The following ADCK1 variants were observed in gnomAD, a reference collection of about 807,000 sequenced individuals.
The protein encoded by ADCK1 is aarF domain containing kinase 1.
Under a neutral mutation model 52.3 loss-of-function variants are expected in ADCK1, and 41 were observed. That is an observed-to-expected ratio of 0.78 (90% CI 0.61 to 1.02). The LOEUF is 1.02. Among genes scored for constraint, ADCK1 ranks in the 50% least tolerant of loss-of-function variants. ADCK1 has a pLI of 0.00. For synonymous variants in ADCK1, 250 were observed against 274.6 expected (o/e 0.91, Z 0.89); for missense variants, 658 against 679.5 (o/e 0.97, Z 0.35).
intron 5 of ADCK1, among the ~76,000 whole-genome samples, chr14:77,888,953 G>T (rs1296883880): frequency 6.6e-6 from 1 of 152,086 alleles, no homozygotes; most frequent in Non-Finnish European, 1.5e-5. Context: ...ACATGTTGTG[G>T]GGGGGGACCT....
intron 4 of ADCK1, among the ~76,000 whole-genome samples, chr14:77,883,935 G>A (rs1018653311): frequency 6.6e-6 from 1 of 152,190 alleles, no homozygotes; most frequent in Non-Finnish European, 1.5e-5. Flanking sequence ...CATGTCCTCT[G>A]GGGATGTGGT....
At chr14:77,810,817 C>T (rs2081325551) in intron 1 of ADCK1, among the ~76,000 whole-genome samples, 1 of 152,204 alleles carries the variant, frequency 6.6e-6, no homozygotes, top group African/African-American at 2.4e-5. Flanking sequence ...AGGCGTGAGC[C>T]TCCGTGCCCG....
chr14:77,876,921 A>C (rs1338083981), intron 4 of ADCK1, among the ~76,000 whole-genome samples: 2 of 152,214 alleles, frequency 1.3e-5, no homozygotes, highest in Non-Finnish European at 2.9e-5. Flanking sequence ...TTGCATGTAC[A>C]AAGAGCTTTG....
At chr14:77,818,004 C>T (rs2081498881) in intron 1 of ADCK1, among the ~76,000 whole-genome samples, 1 of 151,870 alleles carries the variant, frequency 6.6e-6, no homozygotes, top group Non-Finnish European at 1.5e-5. Flanking sequence ...TCCCAAAGTG[C>T]TGGGATTACA....
intron 3 of ADCK1, among the ~76,000 whole-genome samples, chr14:77,849,039 A>G (rs1399563089): frequency 1.1e-4 from 16 of 152,102 alleles, no homozygotes; most frequent in Non-Finnish European, 2.4e-4. Flanking sequence ...CATGTTAGCC[A>G]GGATGGTCTC....
intron 9 of ADCK1, among the ~76,000 whole-genome samples, chr14:77,926,945 C>A (rs1387757467): frequency 6.6e-6 from 1 of 152,172 alleles, no homozygotes; most frequent in Non-Finnish European, 1.5e-5. Flanking sequence ...TTTGCCAGAC[C>A]CACTTAGACT....
chr14:77,835,937 A>G (rs745702493), intron 3 of ADCK1, among the ~76,000 whole-genome samples: 33 of 152,176 alleles, frequency 2.2e-4, no homozygotes, highest in Non-Finnish European at 3.7e-4. Flanking sequence ...CAAAAGCCAT[A>G]TTTTTAATGA....
chr14:77,885,964 A>G (rs1187423051), intron 4 of ADCK1, among the ~76,000 whole-genome samples: 1 of 152,184 alleles, frequency 6.6e-6, no homozygotes, highest in East Asian at 1.9e-4. Context: ...GAATATTGGT[A>G]TGGCATTTCT....
At chr14:77,900,005 G>T (rs1373927961) in intron 6 of ADCK1, among the ~76,000 whole-genome samples, 2 of 149,816 alleles carry the variant, frequency 1.3e-5, no homozygotes, top group African/African-American at 4.9e-5. Context: ...GGGAGGTGGA[G>T]ATTGCAGTGA....
chr14:77,810,266 C>A (rs987794263), intron 1 of ADCK1, among the ~76,000 whole-genome samples: 2 of 151,876 alleles, frequency 1.3e-5, no homozygotes, highest in African/African-American at 2.4e-5. Flanking sequence ...AGGGACACAC[C>A]ACCATGCCCA....
At chr14:77,877,752 G>A (rs979763990) in intron 4 of ADCK1, among the ~76,000 whole-genome samples, 2 of 152,174 alleles carry the variant, frequency 1.3e-5, no homozygotes, top group African/African-American at 4.8e-5. Flanking sequence ...CTACAGGTGT[G>A]TGCCACGATG....
At chr14:77,927,995 G>C (rs978457167) in intron 9 of ADCK1, among the ~76,000 whole-genome samples, 1 of 152,188 alleles carries the variant, frequency 6.6e-6, no homozygotes, top group African/African-American at 2.4e-5. Context: ...ATGAGTGGTG[G>C]CGATCATTTA....
In ADCK1 at chr14:77,816,200, G is replaced by T. The variant is rs866132509; in HGVS notation, c.-11-2768G>T. 1.3e-5 allele frequency among the ~76,000 whole-genome samples: 2 copies of T among 152,110 alleles called. 1 individual carries two copies. Among genetic ancestry groups the T allele is most frequent in the South Asian group, 4.1e-4 (2 of 4,830 alleles). ...AGAAATACTAGATTAGGAAATGAAGGTTCCAAAGGGAAGAGCAATGGAATT... is the reference window on the plus strand; with the variant it reads ...AGAAATACTAGATTAGGAAATGAAGTTTCCAAAGGGAAGAGCAATGGAATT... On this transcript the variant is annotated intron_variant, in intron 1 of 10. Transcript: ENST00000238561.
rs2084415721 is a variant in ADCK1, at chr14:77,934,858, G to T, written c.*1467G>T. The T allele has an allele frequency of 6.6e-6, 1 of 152,186 alleles. No individual in the cohort carries two copies. Among genetic ancestry groups the T allele is most frequent in the East Asian group, 1.9e-4 (1 of 5,200 alleles). 9.4% of individuals were successfully genotyped at this position (152,186 alleles called of 1,614,324 possible). A position where few individuals can be genotyped will look rare whatever the true frequency, so the allele number is the denominator to read the frequency against. Reference sequence around the variant, plus strand: ...TTCACAATCCTTTTATTTCCCAAAAGAATTAATTGTTCTTAGTGACCAGTT... The same window carrying T: ...TTCACAATCCTTTTATTTCCCAAAATAATTAATTGTTCTTAGTGACCAGTT... On this transcript the variant is annotated 3_prime_UTR_variant, in exon 11 of 11. Coordinates refer to ENST00000238561, the MANE Select transcript of ADCK1 (RefSeq NM_020421.4).
intron 3 of ADCK1, among the ~76,000 whole-genome samples, chr14:77,852,907 ATTTTTTTTTTTT>A (rs71303864): frequency 3.9e-3 from 112 of 28,880 alleles, no homozygotes; most frequent in South Asian, 5.4e-3. Context: ...ATATATATAT[ATTTTTTTTTTTT>A]TTTTTTTTTT....
chr14:77,804,697 T>G (rs1377910594), intron 1 of ADCK1, among the ~76,000 whole-genome samples: 3 of 152,180 alleles, frequency 2.0e-5, no homozygotes, highest in African/African-American at 7.2e-5. Flanking sequence ...TGTTCCTTGC[T>G]CTGCACAGGT....
chr14:77,886,580 G>T lies in ADCK1; in HGVS notation c.424-511G>T, dbSNP rs1476296062. On this transcript the variant is annotated intron_variant, in intron 4 of 10. Coordinates refer to ENST00000238561, the MANE Select transcript of ADCK1 (RefSeq NM_020421.4). ...TCTGTATGCCTACCGTGAATGTCCA[G>T]CAGTGGAGGACCAGGCAAGACCCTG... Among the ~76,000 whole-genome samples, 3 of 152,126 alleles carry T rather than the reference G, an allele frequency of 2.0e-5. No homozygotes were observed. In the East Asian group the frequency reaches 5.8e-4, roughly 29 times the overall value.
intron 5 of ADCK1, among the ~76,000 whole-genome samples, chr14:77,895,179 T>C (rs1037045299): frequency 1.3e-5 from 2 of 152,232 alleles, no homozygotes; most frequent in African/African-American, 4.8e-5. Context: ...TTATTTTACC[T>C]TGAAGGAAGT....
intron 4 of ADCK1, among the ~76,000 whole-genome samples, chr14:77,865,511 C>T (rs2082643210): frequency 6.6e-6 from 1 of 152,136 alleles, no homozygotes; most frequent in Non-Finnish European, 1.5e-5. Flanking sequence ...AAACCCCTCA[C>T]AGAAGCATCC....
Sources: gnomAD v4.1 joint callset for allele counts (sites outside exome capture counted in the v4.1 genomes callset) on GRCh38, gnomAD v4.1.1 for gene constraint, MANE v1.5 for transcripts, NCBI Gene and HGNC (gene_info 2026-07-23, HGNC 2026-07-21) for gene names.